The following SCFD2 variants were observed in gnomAD, a reference collection of about 807,000 sequenced individuals.
SCFD2 encodes the protein sec1 family domain containing 2.
In SCFD2, 54 loss-of-function variants were observed where a neutral mutation model predicts 58.9. The observed-to-expected ratio is 0.92, with a 90% CI of 0.74 to 1.15. The LOEUF (loss-of-function observed/expected upper bound fraction) is 1.15. Ranked by LOEUF, SCFD2 falls within the 50% of genes most tolerant of loss-of-function variation. The pLI is 0.00. For synonymous variants in SCFD2, 321 were observed against 335.9 expected, an observed-to-expected ratio of 0.96 and a Z score of 0.49; for missense variants, 805 against 836.6, an observed-to-expected ratio of 0.96 and a Z score of 0.47.
At chr4:53,243,466 A>T (rs576863185) in intron 4 of SCFD2, among the ~76,000 whole-genome samples, 1 of 152,150 alleles carries the variant, frequency 6.6e-6, no homozygotes, top group Non-Finnish European at 1.5e-5. Flanking sequence ...CCTTACAAGA[A>T]TATCTGAAAA....
chr4:52,923,745 A>G (rs1435228222), intron 5 of SCFD2, among the ~76,000 whole-genome samples: 1 of 152,182 alleles, frequency 6.6e-6, no homozygotes, highest in African/African-American at 2.4e-5. Context: ...TTCATAACCA[A>G]GGCAAGTTTA....
intron 4 of SCFD2, among the ~76,000 whole-genome samples, chr4:53,226,679 G>T (rs1729227041): frequency 6.6e-6 from 1 of 152,116 alleles, no homozygotes. Flanking sequence ...GATAAGTTAG[G>T]CAATATTTAA....
intron 5 of SCFD2, among the ~76,000 whole-genome samples, chr4:52,947,320 CT>C: frequency 6.6e-6 from 1 of 152,228 alleles, no homozygotes; most frequent in East Asian, 1.9e-4. Context: ...CCTTCATAGG[CT>C]TATGGCAGTT....
At chr4:52,878,204 A>G (rs1156875746) in intron 8 of SCFD2, among the ~76,000 whole-genome samples, 2 of 152,178 alleles carry the variant, frequency 1.3e-5, no homozygotes, top group Admixed American at 1.3e-4. Context: ...AGTGCCTGAC[A>G]CATAGCAGGT....
rs577521034 is a variant in SCFD2 at position 52,873,090 on chromosome 4, A to T, written c.*879T>A. On this transcript the variant is annotated 3_prime_UTR_variant, in exon 9 of 9. Transcript: ENST00000401642. ...GGTTCGTTTTTGCCCTGGAGTTCTTACAAAGTTTCACTAGGTGGGTCTAGG... is the reference window on the plus strand; with the variant it reads ...GGTTCGTTTTTGCCCTGGAGTTCTTTCAAAGTTTCACTAGGTGGGTCTAGG... 4.1e-4 allele frequency: 62 copies of T among 152,356 alleles called. No homozygotes were observed. Among genetic ancestry groups the T allele is most frequent in the African/African-American group, 1.4e-3 (57 of 41,590 alleles). The allele number at this position is 152,356 out of a possible 1,614,324, so 9.4% of individuals were successfully genotyped here.
intron 3 of SCFD2, among the ~76,000 whole-genome samples, chr4:53,310,437 G>C (rs1266342384): frequency 6.6e-6 from 1 of 152,198 alleles, no homozygotes; most frequent in Admixed American, 6.5e-5. Context: ...TCTGTAAAAT[G>C]TATCAGCGTT....
At chr4:53,125,102 A>G (rs1337589564) in intron 5 of SCFD2, among the ~76,000 whole-genome samples, 4 of 152,184 alleles carry the variant, frequency 2.6e-5, no homozygotes, top group African/African-American at 9.7e-5. Context: ...ATACTGAGGC[A>G]CAGGGGTCAT....
chr4:53,253,079 G>A (rs1730460090), intron 4 of SCFD2, among the ~76,000 whole-genome samples: 1 of 152,020 alleles, frequency 6.6e-6, no homozygotes, highest in Non-Finnish European at 1.5e-5. Context: ...GTGGAAAAAG[G>A]ATATGAACAG....
chr4:53,338,427 C>T (rs963333177), intron 2 of SCFD2, among the ~76,000 whole-genome samples: 2 of 152,016 alleles, frequency 1.3e-5, no homozygotes, highest in African/African-American at 2.4e-5. Flanking sequence ...ACACACATTA[C>T]AGTTCAGCTT....
chr4:53,269,498 A>C (rs1327547349), intron 4 of SCFD2, among the ~76,000 whole-genome samples: 1 of 152,194 alleles, frequency 6.6e-6, no homozygotes, highest in Non-Finnish European at 1.5e-5. Flanking sequence ...CAAAGCGATA[A>C]AGAATTGAAG....
At chr4:52,933,264 C>A (rs950370148) in intron 5 of SCFD2, among the ~76,000 whole-genome samples, 4 of 152,098 alleles carry the variant, frequency 2.6e-5, no homozygotes, top group Admixed American at 2.0e-4. Flanking sequence ...ACAGAGGCTG[C>A]TGTCTGCAGC....
At chr4:52,987,969 T>G (rs1721535767) in intron 5 of SCFD2, among the ~76,000 whole-genome samples, 1 of 152,156 alleles carries the variant, frequency 6.6e-6, no homozygotes, top group Non-Finnish European at 1.5e-5. Flanking sequence ...GAAGAGAAAG[T>G]GCCAGGTTGA....
intron 4 of SCFD2, among the ~76,000 whole-genome samples, chr4:53,262,871 C>T (rs1432512934): frequency 6.6e-6 from 1 of 152,194 alleles, no homozygotes; most frequent in East Asian, 1.9e-4. Flanking sequence ...ATTTCTCTTC[C>T]TCCTTAGGAA....
At chr4:53,343,734 A>G (rs2149151304) in intron 2 of SCFD2, among the ~76,000 whole-genome samples, 1 of 152,358 alleles carries the variant, frequency 6.6e-6, no homozygotes, top group East Asian at 1.9e-4. Context: ...ATCCAGCAGC[A>G]CATCAAAAAG....
At chr4:52,919,582 T>C (rs1379352129) in intron 6 of SCFD2, among the ~76,000 whole-genome samples, 6 of 152,198 alleles carry the variant, frequency 3.9e-5, no homozygotes, top group Admixed American at 3.9e-4. Flanking sequence ...ATGAGAACCA[T>C]ATTATAGTCA....
At chr4:53,348,570 C>T (rs925050267) in intron 2 of SCFD2, among the ~76,000 whole-genome samples, 3 of 152,084 alleles carry the variant, frequency 2.0e-5, no homozygotes, top group Non-Finnish European at 4.4e-5. Context: ...TGCTTTAGAC[C>T]TCTATTTGTT....
In SCFD2 at chr4:53,012,423, G is replaced by A. The variant is rs1211482786; in HGVS notation, c.1562-91553C>T. On this transcript the variant is annotated intron_variant, in intron 5 of 8. Transcript: ENST00000401642. Reference sequence around the variant, plus strand: ...AAAAGGCAGGGAAGTGGAGGCAGAGGCTGCACTGTGATCCTGGTCAAATAG... The same window carrying A: ...AAAAGGCAGGGAAGTGGAGGCAGAGACTGCACTGTGATCCTGGTCAAATAG... Among the ~76,000 whole-genome samples the A allele has an allele frequency of 4.0e-5, 6 of 151,468 alleles. No individual in the cohort carries two copies. The South Asian group carries it at 8.4e-4, about 21-fold the overall frequency.
intron 5 of SCFD2, chr4:52,948,335 G>A: frequency 3.4e-6 from 1 of 291,738 alleles, no homozygotes; most frequent in South Asian, 3.1e-5. Context: ...CCAAAGACCG[G>A]GAAGTAATGA....
intron 3 of SCFD2, among the ~76,000 whole-genome samples, chr4:53,302,028 T>C (rs576506122): frequency 6.6e-6 from 1 of 152,184 alleles, no homozygotes; most frequent in Non-Finnish European, 1.5e-5. Flanking sequence ...AGCATTCCCT[T>C]TGAAAACGGG....
Sources: allele counts gnomAD v4.1 joint callset (sites outside exome capture counted in the v4.1 genomes callset), GRCh38; gene constraint gnomAD v4.1.1; transcripts MANE v1.5; gene names NCBI Gene and HGNC (gene_info 2026-07-23, HGNC 2026-07-21).